Variants in MAT1A observed in about 807,000 individuals in gnomAD.
MAT1A encodes S-adenosylmethionine synthase isoform type-1.
Under a neutral mutation model 44.0 loss-of-function variants are expected in MAT1A, and 19 were observed. That is an observed-to-expected ratio of 0.43 (90% CI 0.30 to 0.63). MAT1A has a LOEUF of 0.63. Among genes scored for constraint, MAT1A ranks in the 30% least tolerant of loss-of-function variants. MAT1A has a pLI of 0.12. For synonymous variants in MAT1A, 205 were observed against 205.6 expected, an observed-to-expected ratio of 1.00 and a Z score of 0.03; for missense variants, 397 against 531.0, an observed-to-expected ratio of 0.75 and a Z score of 2.48.
rs1332276048 is a variant in MAT1A, at chr10:80,272,514, C to G, written c.*1267G>C. The G allele has an allele frequency of 6.6e-6, 1 of 152,230 alleles. No individual in the cohort carries two copies. Among genetic ancestry groups the G allele is most frequent in the Non-Finnish European group, 1.5e-5 (1 of 68,090 alleles). 9.4% of individuals were successfully genotyped at this position (152,230 alleles called of 1,614,324 possible). On this transcript the variant is annotated 3_prime_UTR_variant, in exon 9 of 9. Coordinates refer to ENST00000372213, the MANE Select transcript of MAT1A (RefSeq NM_000429.3). Reference sequence around the variant, plus strand: ...CAGAAGGCAAGCCCCGCCTATTTAACATGAGGCCATAGGACCAGCCTCCCT... The same window carrying G: ...CAGAAGGCAAGCCCCGCCTATTTAAGATGAGGCCATAGGACCAGCCTCCCT...
intron 3 of MAT1A, 104 bp from the exon 4 acceptor site, chr10:80,280,896 C>T (rs77828941): frequency 5.9e-6 from 5 of 842,768 alleles, no homozygotes; most frequent in East Asian, 2.5e-5. Flanking sequence ...TTGGTGTCAG[C>T]GTGGGGGTTC....
rs41284066 is a variant in MAT1A at position 80,280,367 on chromosome 10, G to A, written c.406-51C>T. On this transcript the variant is annotated intron_variant, in intron 4 of 8. Coordinates refer to ENST00000372213, the MANE Select transcript of MAT1A (RefSeq NM_000429.3). ...GCGCCCACCCTAGACCAAGAGGACC[G>A]CAGCTCTCTCCAAGCCTGAAATCTC... The A allele has an allele frequency of 0.049, 78,425 of 1,607,964 alleles. 2,196 individuals carry two copies. The highest frequency in any genetic ancestry group is 0.062 in the African/African-American group (4,611 of 74,880).
intron 3 of MAT1A, among the ~76,000 whole-genome samples, chr10:80,281,470 G>A (rs2066413999): frequency 1.3e-5 from 2 of 152,132 alleles, no homozygotes; most frequent in Non-Finnish European, 1.5e-5. Flanking sequence ...TGGACTAGCA[G>A]TAGCTCAGCC....
Position 80,283,908 on chromosome 10 carries a change from G to A in MAT1A, c.292+8C>T. 6.2e-7 allele frequency: 1 copy of A among 1,613,916 alleles called. No homozygotes were observed. Among genetic ancestry groups the A allele is most frequent in the East Asian group, 2.2e-5 (1 of 44,880 alleles). On this transcript the variant is annotated splice_region_variant and intron_variant, in intron 3 of 8. Coordinates refer to ENST00000372213, the MANE Select transcript of MAT1A (RefSeq NM_000429.3). ...ACAGGGATTTCAGACCCGGAGGCCT[G>A]CCCTCACCCTTGGCTGAGTCATCGT...
intron 5 of MAT1A, among the ~76,000 whole-genome samples, chr10:80,278,362 T>C (rs1841518160): frequency 1.3e-5 from 2 of 151,182 alleles, no homozygotes; most frequent in African/African-American, 4.9e-5. Flanking sequence ...CCTCTGTTCC[T>C]CTCTCTTGCA....
At position 80,288,551 on chromosome 10, in the gene MAT1A, C is replaced by T. The variant is rs143165050; in HGVS notation, c.91+782G>A. ...TCACAGTCTACCTACTTTTCAGGGA[C>T]CAAAATCAATGCCTAAATTTTCTTC... On this transcript the variant is annotated intron_variant, in intron 1 of 8. Coordinates refer to ENST00000372213, the MANE Select transcript of MAT1A (RefSeq NM_000429.3). 2.5e-4 allele frequency among the ~76,000 whole-genome samples: 38 copies of T among 152,290 alleles called. No individual in the cohort carries two copies. In the East Asian group the frequency reaches 5.8e-3, roughly 23 times the overall value.
intron 1 of MAT1A, among the ~76,000 whole-genome samples, chr10:80,286,049 G>A (rs1360312058): frequency 6.6e-6 from 1 of 152,050 alleles, no homozygotes; most frequent in Admixed American, 6.6e-5. Flanking sequence ...GGCTGGTCTT[G>A]AACTCCTGGT....
In MAT1A at chr10:80,284,013, C is replaced by T; in HGVS notation, c.195G>A (p.Val65=). 6.2e-7 allele frequency: 1 copy of T among 1,614,200 alleles called. No homozygotes were observed. Among genetic ancestry groups the T allele is most frequent in the Non-Finnish European group, 8.5e-7 (1 of 1,180,020 alleles). ...TTGAGGTGATCTCACCACACAGCAGCACCATGCCGGTCTTGCACACTGTCT... is the reference window on the plus strand; with the variant it reads ...TTGAGGTGATCTCACCACACAGCAGTACCATGCCGGTCTTGCACACTGTCT... ...ACETVCKTGM[V]LLCGEITSMA... Residue 65 remains valine, a synonymous_variant, in exon 3 of 9, where the codon GTG becomes GTA. Coordinates refer to ENST00000372213, the MANE Select transcript of MAT1A (RefSeq NM_000429.3).
rs1333922369 is a variant in MAT1A at position 80,273,148 on chromosome 10, C to G, written c.*633G>C. On this transcript the variant is annotated 3_prime_UTR_variant, in exon 9 of 9. Coordinates refer to ENST00000372213, the MANE Select transcript of MAT1A (RefSeq NM_000429.3). The stretch of plus-strand genomic sequence containing the variant: ...GGACCCTGTGGAAGTTATCCAGACT[C>G]TCTGTGCTTTGCTTTCCCCCATCTA... 6.5e-6 allele frequency: 1 copy of G among 154,574 alleles called. No individual in the cohort carries two copies. Among genetic ancestry groups the G allele is most frequent in the African/African-American group, 2.4e-5 (1 of 41,444 alleles). 9.6% of individuals were successfully genotyped at this position (154,574 alleles called of 1,614,324 possible). A position where few individuals can be genotyped will look rare whatever the true frequency, so the allele number is the denominator to read the frequency against.
rs766735917 is a variant in MAT1A, at chr10:80,280,216, C to G, written c.506G>C (p.Arg169Pro). 6 of 1,614,058 alleles carry G rather than the reference C, an allele frequency of 3.7e-6. No homozygotes were observed. Among genetic ancestry groups the G allele is most frequent in the Non-Finnish European group, 5.1e-6 (6 of 1,180,034 alleles). Residue 169 changes from arginine (R) to proline (P), a missense_variant, in exon 5 of 9, where the codon CGC (arginine) becomes CCC (proline). By Grantham distance (103) the Arg-to-Pro change is moderately radical (BLOSUM62 -2). Transcript: ENST00000372213. Reference sequence around the variant, plus strand: ...CCGCAGCCAGGGGAGGAGGCCGGAGCGCCTGAGGTCTGCCATCCGGGCGTT... The same window carrying G: ...CCGCAGCCAGGGGAGGAGGCCGGAGGGCCTGAGGTCTGCCATCCGGGCGTT... ...KLNARMADLR[R>P]SGLLPWLRPD...
intron 3 of MAT1A, among the ~76,000 whole-genome samples, chr10:80,283,640 C>T (rs75395858): frequency 6.6e-6 from 1 of 152,402 alleles, no homozygotes; most frequent in African/African-American, 2.4e-5. Flanking sequence ...GCATCTTTCT[C>T]TTCCAAAGCC....
rs4933327 is a variant in MAT1A at position 80,273,927 on chromosome 10, G to A, written c.1086-44C>T. ...GGAAGGGCATTGGAAGATGGAACAG[G>A]AGCAGGGTTTCTTTCTCCATTTCAA... On this transcript the variant is annotated intron_variant, in intron 8 of 8. Transcript: ENST00000372213. The A allele has an allele frequency of 0.21, 287,455 of 1,348,844 alleles. 33,040 individuals are homozygous for A. Among genetic ancestry groups the A allele is most frequent in the East Asian group, 0.39 (16,965 of 43,598 alleles). 83.6% of individuals were successfully genotyped at this position (1,348,844 alleles called of 1,614,324 possible).
At chr10:80,280,996 T>A (rs1032713498) in intron 3 of MAT1A, among the ~76,000 whole-genome samples, 1 of 152,190 alleles carries the variant, frequency 6.6e-6, no homozygotes, top group East Asian at 1.9e-4. Flanking sequence ...TAGAACTCTT[T>A]GGCCAACCAA....
chr10:80,280,423 C>T, intron 4 of MAT1A, 107 bp from the exon 5 acceptor site: 1 of 1,369,828 alleles, frequency 7.3e-7, no homozygotes, highest in South Asian at 1.2e-5. Context: ...TGGGTGCCTC[C>T]TCCATGGAGC....
At position 80,280,348 on chromosome 10, in the gene MAT1A, A is replaced by T. The variant is rs756826636; in HGVS notation, c.406-32T>A. The T allele has an allele frequency of 9.9e-6, 16 of 1,611,950 alleles. No individual in the cohort carries two copies. The South Asian group carries it at 1.2e-4, about 12-fold the overall frequency. ...CGAGAGAGCAGGCTGAGCGGCGCCC[A>T]CCCTAGACCAAGAGGACCGCAGCTC... On this transcript the variant is annotated intron_variant, in intron 4 of 8. Transcript: ENST00000372213.
rs141373760 is a variant in MAT1A at position 80,272,358 on chromosome 10, A to C, written c.*1423T>G. The C allele has an allele frequency of 1.9e-4, 29 of 152,886 alleles. No individual in the cohort carries two copies. Among genetic ancestry groups the C allele is most frequent in the African/African-American group, 6.7e-4 (28 of 41,548 alleles). 9.5% of individuals were successfully genotyped at this position (152,886 alleles called of 1,614,324 possible). On this transcript the variant is annotated 3_prime_UTR_variant, in exon 9 of 9. Coordinates refer to ENST00000372213, the MANE Select transcript of MAT1A (RefSeq NM_000429.3). ...GGCAGGTGCTGCTGGCCATGGATGG[A>C]AAGGCAGGCAAGTTCCAAGACCTTA...
intron 3 of MAT1A, among the ~76,000 whole-genome samples, chr10:80,283,191 G>A (rs779354223): frequency 1.3e-5 from 2 of 152,236 alleles, no homozygotes; most frequent in Admixed American, 6.5e-5. Context: ...GAATGTGATC[G>A]CATACAGGCC....
In MAT1A at chr10:80,274,538, C is replaced by G. The variant is rs138742870; in HGVS notation, c.1067G>C (p.Arg356Pro). 3.7e-6 allele frequency: 6 copies of G among 1,614,174 alleles called. No individual in the cohort carries two copies. In the East Asian group the frequency reaches 1.3e-4, roughly 36 times the overall value. The change falls in exon 8 of 9, where the codon CGG (arginine) becomes CCG (proline). Residue 356 changes from arginine to proline, a missense_variant. Arg to Pro is a moderately radical substitution (Grantham distance 103, BLOSUM62 -2). Coordinates refer to ENST00000372213, the MANE Select transcript of MAT1A (RefSeq NM_000429.3). ...ACTTTACCTGACAATGACGCCCGGCCGGAGGTCGAAGTTCTTATGCACCAC... is the reference window on the plus strand; with the variant it reads ...ACTTTACCTGACAATGACGCCCGGCGGGAGGTCGAAGTTCTTATGCACCAC... ...LDVVHKNFDL[R>P]PGVIVRDLDL...
intron 4 of MAT1A, 81 bp from the exon 5 acceptor site, chr10:80,280,397 G>T: frequency 1.3e-6 from 2 of 1,555,066 alleles, no homozygotes; most frequent in South Asian, 1.1e-5. Flanking sequence ...AATCTCCCTG[G>T]TGTGTCCACG....
Sources: gnomAD v4.1 joint callset for allele counts (sites outside exome capture counted in the v4.1 genomes callset) on GRCh38, gnomAD v4.1.1 for gene constraint, MANE v1.5 for transcripts, NCBI Gene and HGNC (gene_info 2026-07-23, HGNC 2026-07-21) for gene names.